The following ASTN2 variants were observed in gnomAD, a reference collection of about 807,000 sequenced individuals.
ASTN2 encodes astrotactin-2.
Under a neutral mutation model 139.8 loss-of-function variants are expected in ASTN2, and 54 were observed. The observed-to-expected ratio is 0.39, with a 90% CI of 0.31 to 0.48. The LOEUF (loss-of-function observed/expected upper bound fraction) is 0.48, where lower values mean the gene tolerates loss of function less well. Among genes scored for constraint, ASTN2 ranks in the 20% least tolerant of loss-of-function variants. The probability of loss-of-function intolerance (pLI) is 0.95; values close to 1 mark genes in which losing one functional copy is unlikely to be tolerated. For missense variants in ASTN2, 1,565 were observed against 1,725.1 expected, an observed-to-expected ratio of 0.91 and a Z score of 1.64; for synonymous variants, 756 against 719.5, an observed-to-expected ratio of 1.05 and a Z score of -0.81.
intron 4 of ASTN2, among the ~76,000 whole-genome samples, chr9:117,116,834 C>CAAAAAAAAAAAAAAAAAAA (rs72075422): frequency 2.2e-5 from 1 of 45,180 alleles, no homozygotes; most frequent in African/African-American, 1.0e-4. Flanking sequence ...TGGCATGAGC[C>CAAAAAAAAAAAAAAAAAAA]AAAAAAAAAA....
chr9:116,902,044 A>ATAAG (rs1213445201), intron 10 of ASTN2, among the ~76,000 whole-genome samples: 1 of 152,180 alleles, frequency 6.6e-6, no homozygotes, highest in Non-Finnish European at 1.5e-5. Flanking sequence ...AAATAAATAA[A>ATAAG]TAAACAAACA....
At chr9:117,333,885 A>G (rs964770329) in intron 1 of ASTN2, among the ~76,000 whole-genome samples, 1 of 152,188 alleles carries the variant, frequency 6.6e-6, no homozygotes, top group African/African-American at 2.4e-5. Flanking sequence ...TAATGTCAGC[A>G]CTAGGCCAGG....
intron 6 of ASTN2, among the ~76,000 whole-genome samples, chr9:117,010,735 T>C (rs532190273): frequency 6.6e-5 from 10 of 152,274 alleles, no homozygotes; most frequent in East Asian, 5.8e-4. Flanking sequence ...TGTAAGAGGA[T>C]GAGCAAAGTG....
At position 116,737,610 on chromosome 9, in the gene ASTN2, CGTGT is replaced by C. The variant is rs57891581; in HGVS notation, c.2397-4091_2397-4088del. Among the ~76,000 whole-genome samples, 733 of 137,336 alleles carry C rather than the reference CGTGT, an allele frequency of 5.3e-3. 2 individuals are homozygous for C. The highest frequency in any genetic ancestry group is 0.015 in the Middle Eastern group (4 of 270). 90.1% of individuals were successfully genotyped at this position (137,336 alleles called of 152,430 possible). On this transcript the variant is annotated intron_variant, in intron 13 of 22. Transcript: ENST00000313400. ...AGTTATGCTGTAGCTCATGTGCCAA[CGTGT>C]GTGTGTGTGTGTGTGTGTGTGTGTG...
chr9:116,502,119 G>A (rs1849878609), intron 19 of ASTN2, among the ~76,000 whole-genome samples: 2 of 151,614 alleles, frequency 1.3e-5, no homozygotes, highest in South Asian at 2.1e-4. Context: ...CTGGGAGGTG[G>A]CAGAGAGAGG....
At chr9:116,618,180 G>T in intron 19 of ASTN2, 144 bp downstream of exon 19, 2 of 843,606 alleles carry the variant, frequency 2.4e-6, no homozygotes. Flanking sequence ...AGCACACAAG[G>T]ATGGACAGCG....
At chr9:116,839,383 T>A (rs1832121262) in intron 11 of ASTN2, among the ~76,000 whole-genome samples, 1 of 152,148 alleles carries the variant, frequency 6.6e-6, no homozygotes, top group Non-Finnish European at 1.5e-5. Context: ...ATCATAAAAT[T>A]TACTCATTTA....
intron 19 of ASTN2, among the ~76,000 whole-genome samples, chr9:116,578,637 T>C (rs1230505605): frequency 8.5e-5 from 9 of 106,282 alleles, no homozygotes; most frequent in African/African-American, 3.6e-4. Context: ...TGTGTGTGTG[T>C]GTGTGTGTGT....
chr9:116,458,531 T>G (rs73520382), intron 20 of ASTN2, among the ~76,000 whole-genome samples: 2,775 of 151,628 alleles, frequency 0.018, 82 homozygotes, highest in African/African-American at 0.064. Flanking sequence ...TAAAAAAAAT[T>G]AAAAAATAAG....
At chr9:116,838,662 T>C in intron 11 of ASTN2, among the ~76,000 whole-genome samples, 1 of 149,326 alleles carries the variant, frequency 6.7e-6, no homozygotes. Flanking sequence ...TGACCTCAGG[T>C]GATCCACCCG....
intron 1 of ASTN2, among the ~76,000 whole-genome samples, chr9:117,294,413 GGAGA>G (rs909648961): frequency 4.6e-5 from 7 of 152,246 alleles, no homozygotes; most frequent in African/African-American, 1.4e-4. Context: ...TTGTTGAAGA[GGAGA>G]GAGGAGGGGT....
intron 13 of ASTN2, among the ~76,000 whole-genome samples, chr9:116,782,792 C>T (rs1830255114): frequency 6.7e-6 from 1 of 149,854 alleles, no homozygotes; most frequent in Admixed American, 6.6e-5. Flanking sequence ...CTTCACCTAA[C>T]AATCTCTTAC....
At chr9:116,748,120 C>CAAGTGTCCCCAAA in intron 13 of ASTN2, among the ~76,000 whole-genome samples, 1 of 152,066 alleles carries the variant, frequency 6.6e-6, no homozygotes. Flanking sequence ...AGAGATGTGG[C>CAAGTGTCCCCAAA]TGGAGAAAAG....
chr9:117,358,994 A>G (rs10759918), intron 1 of ASTN2, among the ~76,000 whole-genome samples: 54,594 of 152,052 alleles, frequency 0.36, 10,120 homozygotes, highest in Middle Eastern at 0.4. Context: ...AGCAAGGTTT[A>G]AATTTGATCT....
At chr9:117,289,011 A>C (rs904067165) in intron 2 of ASTN2, among the ~76,000 whole-genome samples, 1 of 152,184 alleles carries the variant, frequency 6.6e-6, no homozygotes, top group Non-Finnish European at 1.5e-5. Context: ...AAGGGCTCAT[A>C]CCCGAGTTCA....
chr9:117,349,621 G>A (rs2130877935), intron 1 of ASTN2, among the ~76,000 whole-genome samples: 1 of 152,278 alleles, frequency 6.6e-6, no homozygotes, highest in South Asian at 2.1e-4. Context: ...TCCAGGAAGT[G>A]GAGCTTAATT....
intron 5 of ASTN2, among the ~76,000 whole-genome samples, chr9:117,087,408 T>G (rs1587948584): frequency 6.6e-6 from 1 of 152,010 alleles, no homozygotes; most frequent in African/African-American, 2.4e-5. Flanking sequence ...CTAATTTTTT[T>G]GTAGAGATGG....
chr9:116,811,545 G>C (rs1415725923), intron 12 of ASTN2, among the ~76,000 whole-genome samples: 1 of 152,166 alleles, frequency 6.6e-6, no homozygotes, highest in East Asian at 1.9e-4. Context: ...GTCACAAGTT[G>C]AGATTTTAGA....
intron 19 of ASTN2, among the ~76,000 whole-genome samples, chr9:116,497,696 G>GA: frequency 6.6e-6 from 1 of 152,104 alleles, no homozygotes; most frequent in East Asian, 1.9e-4. Flanking sequence ...CATGTGTGGG[G>GA]AAAGCTGATT....
Sources: allele counts gnomAD v4.1 joint callset (sites outside exome capture counted in the v4.1 genomes callset), GRCh38; gene constraint gnomAD v4.1.1; transcripts MANE v1.5; gene names NCBI Gene and HGNC (gene_info 2026-07-23, HGNC 2026-07-21).